The following BPIFC variants were observed in gnomAD, a reference collection of about 807,000 sequenced individuals.
The protein encoded by BPIFC is BPI fold-containing family C protein.
Under a neutral mutation model 57.6 loss-of-function variants are expected in BPIFC, and 60 were observed. The observed-to-expected ratio is 1.04, with a 90% confidence interval of 0.85 to 1.29. The LOEUF (loss-of-function observed/expected upper bound fraction) is 1.29. BPIFC is among the 50% of genes most tolerant of loss of function. The pLI is 0.00. For missense variants in BPIFC, 581 were observed against 600.5 expected (o/e 0.97, Z 0.34); for synonymous variants, 243 against 224.5 (o/e 1.08, Z -0.74).
intron 9 of BPIFC, among the ~76,000 whole-genome samples, chr22:32,436,391 GGAA>G (rs1268945093): frequency 0.026 from 2,524 of 98,880 alleles, 57 homozygotes; most frequent in African/African-American, 0.078. Flanking sequence ...AGGAGGAGGA[GGAA>G]GAGGAGGAGG....
intron 8 of BPIFC, among the ~76,000 whole-genome samples, chr22:32,442,020 C>A (rs780795044): frequency 6.6e-6 from 1 of 152,210 alleles, no homozygotes; most frequent in Non-Finnish European, 1.5e-5. Flanking sequence ...AATGCTCAGT[C>A]GCCTGCCCAC....
At chr22:32,457,464 T>G in intron 2 of BPIFC, 78 bp from the exon 3 acceptor site, 1 of 1,524,238 alleles carries the variant, frequency 6.6e-7, no homozygotes, top group Non-Finnish European at 8.9e-7. Flanking sequence ...CATTTCTAGA[T>G]TTTCTCATTT....
intron 4 of BPIFC, among the ~76,000 whole-genome samples, chr22:32,453,151 C>G (rs1274140431): frequency 6.6e-6 from 1 of 152,166 alleles, no homozygotes; most frequent in East Asian, 1.9e-4. Flanking sequence ...CGCCTTTACC[C>G]TCGTCTCTTC....
intron 12 of BPIFC, 130 bp downstream of exon 12, chr22:32,432,243 G>T: frequency 1.0e-6 from 1 of 1,001,390 alleles, no homozygotes; most frequent in Non-Finnish European, 1.5e-6. Context: ...ATCACGTCCA[G>T]CCTCCATCCT....
intron 14 of BPIFC, among the ~76,000 whole-genome samples, chr22:32,418,452 A>G (rs1335918841): frequency 2.0e-5 from 3 of 152,144 alleles, no homozygotes; most frequent in Non-Finnish European, 4.4e-5. Context: ...GTGAATGTGT[A>G]GCAGCATCCC....
At chr22:32,419,319 C>T (rs997860149) in intron 14 of BPIFC, 43 bp downstream of exon 14, 20 of 1,575,804 alleles carry the variant, frequency 1.3e-5, no homozygotes, top group Middle Eastern at 1.7e-4. Context: ...GGAGAATCCT[C>T]GTTCTTCCAG....
intron 2 of BPIFC, 52 bp downstream of exon 2, chr22:32,461,520 TGA>T: frequency 1.1e-6 from 1 of 929,184 alleles, no homozygotes; most frequent in African/African-American, 1.8e-5. Flanking sequence ...CTCCATGTCC[TGA>T]GAGGCAGAGT....
chr22:32,429,212 CTT>C (rs888880806), intron 13 of BPIFC, among the ~76,000 whole-genome samples: 10 of 142,022 alleles, frequency 7.0e-5, no homozygotes, highest in Non-Finnish European at 1.6e-4. Flanking sequence ...TTTTCTTTTT[CTT>C]TTTTTTTTCT....
At chr22:32,450,282 G>GT in intron 4 of BPIFC, among the ~76,000 whole-genome samples, 1 of 152,118 alleles carries the variant, frequency 6.6e-6, no homozygotes, top group East Asian at 1.9e-4. Context: ...GCAGTCTCAT[G>GT]TTTTACAGGT....
intron 4 of BPIFC, among the ~76,000 whole-genome samples, chr22:32,448,295 C>G (rs1296051984): frequency 6.6e-6 from 1 of 151,972 alleles, no homozygotes; most frequent in Non-Finnish European, 1.5e-5. Flanking sequence ...GTCTTGATCT[C>G]CTGACCTGAC....
intron 2 of BPIFC, among the ~76,000 whole-genome samples, chr22:32,458,327 C>A (rs145085525): frequency 6.6e-6 from 1 of 152,282 alleles, no homozygotes; most frequent in Non-Finnish European, 1.5e-5. Flanking sequence ...CTGGCATAGT[C>A]TTCCTCAAAG....
chr22:32,447,279 T>C lies in BPIFC; in HGVS notation c.307A>G (p.Ile103Val). 6.2e-7 allele frequency: 1 copy of C among 1,614,132 alleles called. No individual in the cohort carries two copies. The highest frequency in any genetic ancestry group is 8.5e-7 in the Non-Finnish European group (1 of 1,180,012). Residue 103 changes from isoleucine (I) to valine (V), a missense_variant, in exon 5 of 17, where the codon ATC (isoleucine) becomes GTC (valine). Physicochemically the swap from Ile to Val is conservative, Grantham distance 29. Transcript: ENST00000300399. Reference protein sequence around the residue: ...TSLAFVPGVGIKALTNHGTAN... With the variant: ...TSLAFVPGVGVKALTNHGTAN... ...GTGCCATGGTTGGTTAGCGCTTTGA[T>C]TCCCACTCCAGGCACAAAAGCCAAT...
chr22:32,432,759 G>A (rs998221858), intron 11 of BPIFC, among the ~76,000 whole-genome samples: 1 of 152,168 alleles, frequency 6.6e-6, no homozygotes, highest in Admixed American at 6.5e-5. Context: ...TGTGCCAGGG[G>A]CTTTATATAT....
intron 6 of BPIFC, 39 bp from the exon 7 acceptor site, chr22:32,445,737 A>AAATT: frequency 7.0e-7 from 1 of 1,423,670 alleles, no homozygotes; most frequent in Non-Finnish European, 9.5e-7. Flanking sequence ...AAAAAAAAAG[A>AAATT]GGTTACTCAG....
intron 11 of BPIFC, 69 bp from the exon 12 acceptor site, chr22:32,432,612 G>T: frequency 6.7e-7 from 1 of 1,496,318 alleles, no homozygotes. Context: ...CACAAGGTTA[G>T]GATGGCCTGT....
chr22:32,436,419 G>A (rs368223412), intron 9 of BPIFC, among the ~76,000 whole-genome samples: 1 of 147,598 alleles, frequency 6.8e-6, no homozygotes, highest in African/African-American at 2.6e-5. Context: ...GGGAAAAGAA[G>A]GAGAAGGAGA....
intron 12 of BPIFC, 97 bp from the exon 13 acceptor site, chr22:32,431,511 TC>T: frequency 1.2e-6 from 1 of 809,314 alleles, no homozygotes; most frequent in South Asian, 1.6e-5. Flanking sequence ...AGCCCAACAT[TC>T]CCCCTTAGTG....
At chr22:32,423,852 A>C (rs892379101) in intron 13 of BPIFC, among the ~76,000 whole-genome samples, 4 of 151,886 alleles carry the variant, frequency 2.6e-5, no homozygotes, top group African/African-American at 4.8e-5. Flanking sequence ...TATGTCTACT[A>C]TGTGGGCCAA....
chr22:32,431,855 A>G (rs1934252212), intron 12 of BPIFC, among the ~76,000 whole-genome samples: 1 of 152,018 alleles, frequency 6.6e-6, no homozygotes, highest in South Asian at 2.1e-4. Context: ...AAGAGCGTGC[A>G]TGAAGTAGAG....
Sources: gnomAD v4.1 joint callset for allele counts (sites outside exome capture counted in the v4.1 genomes callset) on GRCh38, gnomAD v4.1.1 for gene constraint, MANE v1.5 for transcripts, NCBI Gene and HGNC (gene_info 2026-07-23, HGNC 2026-07-21) for gene names.